RHBDD3: variants seen among roughly 807,000 people sequenced by gnomAD.
RHBDD3 encodes rhomboid domain containing 3, also known as rhomboid domain-containing protein 3.
A neutral mutation model predicts 32.3 loss-of-function variants in RHBDD3; 34 were observed. That is an observed-to-expected ratio of 1.05 (90% CI 0.80 to 1.40). The LOEUF is 1.40. Ranked by LOEUF, RHBDD3 falls within the 40% of genes most tolerant of loss-of-function variation. The pLI is 0.00. For synonymous variants in RHBDD3, 249 were observed against 239.1 expected (o/e 1.04, Z -0.38); for missense variants, 482 against 492.6 (o/e 0.98, Z 0.20).
chr22:29,260,875 G>C lies in RHBDD3; in HGVS notation c.533-11C>G. The C allele has an allele frequency of 6.5e-7, 1 of 1,549,794 alleles. No individual in the cohort carries two copies. Among genetic ancestry groups the C allele is most frequent in the Non-Finnish European group, 8.7e-7 (1 of 1,152,430 alleles). The stretch of plus-strand genomic sequence containing the variant: ...AGGCCCCAGCTGCATCTGTCTGCCC[G>C]GGGCAGGGCGGCCGGTCAAGGAAAA... On this transcript the variant is annotated splice_polypyrimidine_tract_variant and intron_variant, in intron 4 of 6. Coordinates refer to ENST00000216085, the MANE Select transcript of RHBDD3 (RefSeq NM_012265.3).
At chr22:29,264,287 A>G in intron 3 of RHBDD3, 69 bp from the exon 4 acceptor site, 2 of 1,452,272 alleles carry the variant, frequency 1.4e-6, no homozygotes, top group Non-Finnish European at 1.8e-6. Flanking sequence ...CAGGTGTGCC[A>G]GGTTGAAGGT....
upstream of RHBDD3, chr22:29,267,998 C>T: frequency 5.0e-6 from 2 of 402,030 alleles, no homozygotes; most frequent in South Asian, 3.6e-5. Context: ...GACTCTTCAG[C>T]GACCGTCCCT....
intron 3 of RHBDD3, chr22:29,265,179 C>T: frequency 4.1e-6 from 1 of 244,366 alleles, no homozygotes; most frequent in Admixed American, 5.6e-5. Context: ...TCCCAAAGTG[C>T]TGGGATTACA....
intron 4 of RHBDD3, chr22:29,262,170 T>C (rs1157839178): frequency 4.7e-5 from 7 of 149,210 alleles, no homozygotes; most frequent in Non-Finnish European, 1.0e-4. Context: ...GGAGAGAGTC[T>C]TGCTCTGTCG....
Position 29,260,879 on chromosome 22 carries a change from C to T in RHBDD3, c.533-15G>A, listed in dbSNP as rs1472868679. ...CCCAGCTGCATCTGTCTGCCCGGGG[C>T]AGGGCGGCCGGTCAAGGAAAACCAA... On this transcript the variant is annotated splice_polypyrimidine_tract_variant and intron_variant, in intron 4 of 6. Transcript: ENST00000216085. The T allele has an allele frequency of 6.5e-7, 1 of 1,546,096 alleles. No homozygotes were observed. The highest frequency in any genetic ancestry group is 8.7e-7 in the Non-Finnish European group (1 of 1,150,966).
At chr22:29,265,918 T>C (rs2058171364) in intron 2 of RHBDD3, among the ~76,000 whole-genome samples, 1 of 152,066 alleles carries the variant, frequency 6.6e-6, no homozygotes, top group South Asian at 2.1e-4. Context: ...TGATAGGCCC[T>C]GAACTCCCAA....
Position 29,264,175 on chromosome 22 carries a change from T to A in RHBDD3, c.192A>T (p.Pro64=). The change falls in exon 4 of 7, where the codon CCA becomes CCT. Residue 64 remains proline, a synonymous_variant. Transcript: ENST00000216085. ...GGAGCAGCAGGCTCAGGAGCAGGCC[T>A]GGCAGGGCCGTGTGGCCCAGGGCAT... is the stretch of plus-strand genomic sequence containing the variant. ...LTHALGHTAL[P]GLLLSLLLLP... 6.3e-7 allele frequency: 1 copy of A among 1,576,972 alleles called. No individual in the cohort carries two copies. The highest frequency in any genetic ancestry group is 8.6e-7 in the Non-Finnish European group (1 of 1,162,478).
In RHBDD3 at chr22:29,262,850, G is replaced by A. The variant is rs544532581; in HGVS notation, c.532+985C>T. ...GTCTCCCAAGTAGCTGGGACTACAG[G>A]CGCCTGCCACCACGCCTGGCTAATT... On this transcript the variant is annotated intron_variant, in intron 4 of 6. Coordinates refer to ENST00000216085, the MANE Select transcript of RHBDD3 (RefSeq NM_012265.3). Among the ~76,000 whole-genome samples the A allele has an allele frequency of 1.4e-4, 21 of 152,212 alleles. No homozygotes were observed. The East Asian group carries it at 3.1e-3, about 22-fold the overall frequency.
intron 4 of RHBDD3, among the ~76,000 whole-genome samples, chr22:29,263,168 C>T (rs2058138860): frequency 6.6e-6 from 1 of 152,228 alleles, no homozygotes; most frequent in Non-Finnish European, 1.5e-5. Flanking sequence ...CCTCAGTCTC[C>T]TAAGTAGCTG....
At chr22:29,266,009 A>ACCTCC (rs2146525639) in intron 2 of RHBDD3, among the ~76,000 whole-genome samples, 1 of 152,004 alleles carries the variant, frequency 6.6e-6, no homozygotes, top group Non-Finnish European at 1.5e-5. Context: ...CTTCCCTCAG[A>ACCTCC]CTACTACCTC....
At chr22:29,261,498 G>A in intron 4 of RHBDD3, 1 of 367,490 alleles carries the variant, frequency 2.7e-6, no homozygotes, top group Non-Finnish European at 5.5e-6. Context: ...AGTGGCTGAG[G>A]CAAGAGGATC....
chr22:29,263,671 G>A (rs2058144498), intron 4 of RHBDD3, among the ~76,000 whole-genome samples, 164 bp downstream of exon 4: 1 of 152,160 alleles, frequency 6.6e-6, no homozygotes, highest in African/African-American at 2.4e-5. Flanking sequence ...CCAGGTCCCA[G>A]CCCAGAGCAT....
chr22:29,261,420 C>T (rs1194653755), intron 4 of RHBDD3: 2 of 443,010 alleles, frequency 4.5e-6, no homozygotes, highest in Admixed American at 2.5e-5. Context: ...AACATAGACC[C>T]CGTCTCTACA....
intron 2 of RHBDD3, among the ~76,000 whole-genome samples, chr22:29,267,008 G>C (rs977802592): frequency 6.6e-6 from 1 of 152,230 alleles, no homozygotes; most frequent in South Asian, 2.1e-4. Flanking sequence ...CCCTAGGCAG[G>C]TGGTCTGAGC....
upstream of RHBDD3, chr22:29,268,123 G>C: frequency 1.6e-6 from 1 of 629,620 alleles, no homozygotes; most frequent in East Asian, 2.7e-5. Context: ...ATTTTGGCCC[G>C]AGTGTCACGT....
intron 4 of RHBDD3, chr22:29,261,153 C>G (rs918473790): frequency 2.1e-5 from 12 of 584,546 alleles, no homozygotes; most frequent in Non-Finnish European, 3.1e-5. Flanking sequence ...CTTTTCAGGT[C>G]TGTAACTCAA....
intron 4 of RHBDD3, among the ~76,000 whole-genome samples, chr22:29,262,428 C>T (rs1047852021): frequency 3.9e-5 from 6 of 152,142 alleles, no homozygotes; most frequent in South Asian, 4.1e-4. Flanking sequence ...TGTGAGCCAC[C>T]GCACCTGGCC....
chr22:29,262,944 C>T (rs1429527509), intron 4 of RHBDD3, among the ~76,000 whole-genome samples: 1 of 148,660 alleles, frequency 6.7e-6, no homozygotes, highest in Non-Finnish European at 1.5e-5. Flanking sequence ...GGCATGTTCT[C>T]GGCTCATTGC....
At position 29,264,178 on chromosome 22, in the gene RHBDD3, C is replaced by T. The variant is rs775236015; in HGVS notation, c.189G>A (p.Leu63=). The change falls in exon 4 of 7, where the codon CTG becomes CTA. Residue 63 remains leucine (L), a synonymous_variant. Transcript: ENST00000216085. ...LLTHALGHTA[L]PGLLLSLLLL... ...GCAGCAGGCTCAGGAGCAGGCCTGG[C>T]AGGGCCGTGTGGCCCAGGGCATGGG... The T allele has an allele frequency of 3.2e-6, 5 of 1,575,486 alleles. No individual in the cohort carries two copies. In the Admixed American group the frequency reaches 5.3e-5, roughly 17 times the overall value.
Sources: allele counts gnomAD v4.1 joint callset (sites outside exome capture counted in the v4.1 genomes callset), GRCh38; gene constraint gnomAD v4.1.1; transcripts MANE v1.5; gene names NCBI Gene and HGNC (gene_info 2026-07-23, HGNC 2026-07-21).